The following STX1B variants were observed in gnomAD, a reference collection of about 807,000 sequenced individuals.
STX1B encodes syntaxin-1B.
A neutral mutation model predicts 39.4 loss-of-function variants in STX1B; 7 were observed. The observed-to-expected ratio is 0.18, with a 90% CI of 0.10 to 0.33. The LOEUF is 0.33. Ranked by LOEUF, STX1B falls within the 10% of genes least tolerant of loss-of-function variation. STX1B has a pLI of 1.00. For missense variants in STX1B, 198 were observed against 383.2 expected (o/e 0.52, Z 4.04); for synonymous variants, 136 against 144.1 (o/e 0.94, Z 0.40).
chr16:30,989,659 G>GT lies in STX1B; in HGVS notation c.*3161dup, dbSNP rs2056538404. On this transcript the variant is annotated 3_prime_UTR_variant, in exon 10 of 10. Coordinates refer to ENST00000215095, the MANE Select transcript of STX1B (RefSeq NM_052874.5). Reference sequence around the variant, plus strand: ...CACGGCTGCACAGCGGGCAGGGGCGGTTAGGGGAAAGGGAGCCGGGGCCAC... The same window carrying GT: ...CACGGCTGCACAGCGGGCAGGGGCGGTTTAGGGGAAAGGGAGCCGGGGCCAC... The GT allele has an allele frequency of 1.3e-5, 2 of 152,572 alleles. No individual in the cohort carries two copies. The highest frequency in any genetic ancestry group is 4.8e-5 in the African/African-American group (2 of 41,550). 9.5% of individuals were successfully genotyped at this position (152,572 alleles called of 1,614,324 possible).
In STX1B at chr16:30,993,273, T is replaced by C. The variant is rs113308931; in HGVS notation, c.676-33A>G. 34 of 1,613,336 alleles carry C rather than the reference T, an allele frequency of 2.1e-5. No homozygotes were observed. The African/African-American group carries it at 2.8e-4, about 13-fold the overall frequency. Reference sequence around the variant, plus strand: ...CAGAGGAGACATGCACAGGGAGGGATGGGGGCTGGGCTGGAAGAGGGGACC... The same window carrying C: ...CAGAGGAGACATGCACAGGGAGGGACGGGGGCTGGGCTGGAAGAGGGGACC... On this transcript the variant is annotated intron_variant, in intron 8 of 9. Coordinates refer to ENST00000215095, the MANE Select transcript of STX1B (RefSeq NM_052874.5).
chr16:31,006,076 A>G (rs1338645724), intron 1 of STX1B, among the ~76,000 whole-genome samples: 1 of 152,212 alleles, frequency 6.6e-6, no homozygotes, highest in Non-Finnish European at 1.5e-5. Flanking sequence ...AAGAGACTGG[A>G]ATTGGGTGAC....
At chr16:31,003,304 C>T (rs1239485867) in intron 1 of STX1B, among the ~76,000 whole-genome samples, 1 of 152,210 alleles carries the variant, frequency 6.6e-6, no homozygotes, top group Admixed American at 6.5e-5. Context: ...TGTCTTGGCT[C>T]ACAGCTGCCC....
Position 30,992,690 on chromosome 16 carries a change from C to CGCGGGG in STX1B, c.*130_*131insCCCCGC. The CGCGGGG allele has an allele frequency of 2.3e-6, 1 of 433,486 alleles. No homozygotes were observed. Among genetic ancestry groups the CGCGGGG allele is most frequent in the Non-Finnish European group, 3.9e-6 (1 of 254,820 alleles). 26.9% of individuals were successfully genotyped at this position (433,486 alleles called of 1,614,324 possible). ...GAGGTCCAGGGACACCAGGGTCTGC[C>CGCGGGG]GTGGGGGTGGGGCTGCCTGGGTCTG... On this transcript the variant is annotated 3_prime_UTR_variant, in exon 10 of 10. Coordinates refer to ENST00000215095, the MANE Select transcript of STX1B (RefSeq NM_052874.5).
intron 1 of STX1B, 61 bp downstream of exon 1, chr16:31,010,301 TCCATC>T: frequency 2.3e-6 from 1 of 436,020 alleles, no homozygotes; most frequent in Non-Finnish European, 3.6e-6. Context: ...CCTCCCCCAC[TCCATC>T]CCCACGCGCT....
chr16:31,003,097 A>G (rs1289418721), intron 1 of STX1B, among the ~76,000 whole-genome samples: 2 of 152,134 alleles, frequency 1.3e-5, no homozygotes, highest in African/African-American at 4.8e-5. Context: ...CAGCCCCAGG[A>G]AAAGCCAGCA....
chr16:31,003,981 A>AT (rs2056644558), intron 1 of STX1B, among the ~76,000 whole-genome samples: 1 of 152,170 alleles, frequency 6.6e-6, no homozygotes, highest in African/African-American at 2.4e-5. Flanking sequence ...CCAGAAAACC[A>AT]TGGGCATCCA....
intron 7 of STX1B, 141 bp downstream of exon 7, chr16:30,996,542 C>G (rs1404774824): frequency 1.3e-6 from 1 of 753,314 alleles, no homozygotes; most frequent in East Asian, 2.5e-5. Context: ...CTGCTCCGCT[C>G]CCATGGAATT....
chr16:31,005,433 A>G (rs1596721700), intron 1 of STX1B, among the ~76,000 whole-genome samples: 1 of 144,192 alleles, frequency 6.9e-6, no homozygotes. Flanking sequence ...GTTGGGTCCT[A>G]TTACAAGTGC....
chr16:30,992,777 A>T lies in STX1B; in HGVS notation c.*44T>A. On this transcript the variant is annotated 3_prime_UTR_variant, in exon 10 of 10. Coordinates refer to ENST00000215095, the MANE Select transcript of STX1B (RefSeq NM_052874.5). ...AGGGGTGGTGGGGGTATTGCTCCCG[A>T]TGTGGTGGGGGAAGGGTCTGGGAGA... 1.9e-6 allele frequency: 2 copies of T among 1,038,852 alleles called. No individual in the cohort carries two copies. Among genetic ancestry groups the T allele is most frequent in the Non-Finnish European group, 2.6e-6 (2 of 754,782 alleles). The allele number at this position is 1,038,852 out of a possible 1,614,324, so 64.4% of individuals were successfully genotyped here. A position where few individuals can be genotyped will look rare whatever the true frequency, so the allele number is the denominator to read the frequency against.
intron 1 of STX1B, among the ~76,000 whole-genome samples, chr16:31,002,543 C>T (rs2056635869): frequency 6.6e-6 from 1 of 152,210 alleles, no homozygotes; most frequent in African/African-American, 2.4e-5. Context: ...AGCTGCACCC[C>T]TGAGGACATT....
At position 31,010,441 on chromosome 16, in the gene STX1B, T is replaced by C. The variant is rs377583690; in HGVS notation, c.-45A>G. 7 of 1,349,598 alleles carry C rather than the reference T, an allele frequency of 5.2e-6. No homozygotes were observed. In the African/African-American group the frequency reaches 1.0e-4, roughly 20 times the overall value. 83.6% of individuals were successfully genotyped at this position (1,349,598 alleles called of 1,614,324 possible). ...CTCCTCCTAGTCCTCCTGCCTCTGC[T>C]GCTGCTCCGGGTCTCCCGCCTCTGT... On this transcript the variant is annotated 5_prime_UTR_variant, in exon 1 of 10. Transcript: ENST00000215095.
Position 30,994,682 on chromosome 16 carries a change from C to A in STX1B, c.538-1198G>T, listed in dbSNP as rs143693530. On this transcript the variant is annotated intron_variant, in intron 7 of 9. Transcript: ENST00000215095. ...CAAACACCCAGCCTCAGCCAGGTGA[C>A]TCACTTCCCAAATTACTCACTGTTC... is the stretch of plus-strand genomic sequence containing the variant. Among the ~76,000 whole-genome samples the A allele has an allele frequency of 4.9e-4, 75 of 151,946 alleles. No homozygotes were observed. In the Middle Eastern group the frequency reaches 0.01, roughly 21 times the overall value.
chr16:30,994,678 G>A (rs2056582508), intron 7 of STX1B, among the ~76,000 whole-genome samples: 1 of 151,472 alleles, frequency 6.6e-6, no homozygotes, highest in Non-Finnish European at 1.5e-5. Flanking sequence ...CCTCAGCCAG[G>A]TGACTCACTT....
chr16:30,993,072 C>CA, intron 9 of STX1B, 58 bp downstream of exon 9: 1 of 1,548,340 alleles, frequency 6.5e-7, no homozygotes, highest in Non-Finnish European at 8.9e-7. Context: ...TCACTCACCT[C>CA]AGCCCGGGCT....
chr16:31,000,162 T>A (rs1173527415), intron 4 of STX1B, among the ~76,000 whole-genome samples: 3 of 151,026 alleles, frequency 2.0e-5, no homozygotes, highest in Admixed American at 1.3e-4. Context: ...CATGCCCGGA[T>A]AATTTTTGTA....
intron 1 of STX1B, among the ~76,000 whole-genome samples, chr16:31,009,600 G>A (rs72800845): frequency 0.17 from 25,324 of 151,466 alleles, 2,636 homozygotes; most frequent in Non-Finnish European, 0.24. Context: ...TCCTTCCCCT[G>A]TCCCCCCAAA....
chr16:31,000,188 G>T (rs59883711), intron 4 of STX1B, among the ~76,000 whole-genome samples: 1 of 151,708 alleles, frequency 6.6e-6, no homozygotes. Flanking sequence ...AGTACAGATG[G>T]GGTTTCACCA....
chr16:31,007,514 C>T (rs1315062488), intron 1 of STX1B, among the ~76,000 whole-genome samples: 1 of 152,194 alleles, frequency 6.6e-6, no homozygotes, highest in Non-Finnish European at 1.5e-5. Context: ...CCCTGGGACA[C>T]CTATTTAGCT....
Sources: gnomAD v4.1 joint callset for allele counts (sites outside exome capture counted in the v4.1 genomes callset) on GRCh38, gnomAD v4.1.1 for gene constraint, MANE v1.5 for transcripts, NCBI Gene and HGNC (gene_info 2026-07-23, HGNC 2026-07-21) for gene names.